The following ADARB2 variants were observed in gnomAD, a reference collection of about 807,000 sequenced individuals.
ADARB2 encodes inactive double-stranded RNA-specific editase B2.
ADARB2 carries 25 observed loss-of-function variants against 62.2 expected under a neutral mutation model. The observed-to-expected ratio is 0.40, with a 90% CI of 0.29 to 0.56. The LOEUF is 0.56. Ranked by LOEUF, ADARB2 falls within the 20% of genes least tolerant of loss-of-function variation. The pLI is 0.43. For missense variants in ADARB2, 1,071 were observed against 1,077.4 expected (o/e 0.99, Z 0.08); for synonymous variants, 572 against 500.8 (o/e 1.14, Z -1.90).
chr10:1,373,403 T>A (rs1832391199), intron 2 of ADARB2, among the ~76,000 whole-genome samples: 1 of 152,144 alleles, frequency 6.6e-6, no homozygotes, highest in East Asian at 1.9e-4. Context: ...GGAAACTGAT[T>A]CTTACCAACC....
chr10:1,734,111 A>C (rs1044910720), intron 1 of ADARB2, among the ~76,000 whole-genome samples: 1 of 152,094 alleles, frequency 6.6e-6, no homozygotes, highest in African/African-American at 2.4e-5. Flanking sequence ...TTTCTAAAAG[A>C]AAGTCCCTGC....
At position 1,356,122 on chromosome 10, in the gene ADARB2, C is replaced by T. The variant is rs1832192769; in HGVS notation, c.1077+6906G>A. Among the ~76,000 whole-genome samples, 3 of 152,264 alleles carry T rather than the reference C, an allele frequency of 2.0e-5. No homozygotes were observed. In the South Asian group the frequency reaches 6.2e-4, roughly 32 times the overall value. On this transcript the variant is annotated intron_variant, in intron 3 of 9. Coordinates refer to ENST00000381312, the MANE Select transcript of ADARB2 (RefSeq NM_018702.4). The stretch of plus-strand genomic sequence containing the variant: ...TCGCTCTTTTTCTGGCCGTCAGCAC[C>T]TCTTTCACAGACCCAGGACACGAAG...
chr10:1,338,160 C>T (rs576280773), intron 3 of ADARB2, among the ~76,000 whole-genome samples: 6 of 152,302 alleles, frequency 3.9e-5, no homozygotes, highest in Admixed American at 1.3e-4. Context: ...ACAGACAGTT[C>T]GTTAAAAATA....
chr10:1,685,434 C>A (rs893074362), intron 1 of ADARB2, among the ~76,000 whole-genome samples: 1 of 152,168 alleles, frequency 6.6e-6, no homozygotes, highest in African/African-American at 2.4e-5. Flanking sequence ...GTGCCTTGTA[C>A]CTGACACATG....
chr10:1,422,045 C>G (rs1250570784), intron 1 of ADARB2, among the ~76,000 whole-genome samples: 1 of 152,168 alleles, frequency 6.6e-6, no homozygotes, highest in East Asian at 1.9e-4. Flanking sequence ...GTTAGGGAAG[C>G]CCCCACCAAA....
chr10:1,243,650 T>G (rs1830949039), intron 4 of ADARB2, among the ~76,000 whole-genome samples: 1 of 152,164 alleles, frequency 6.6e-6, no homozygotes, highest in African/African-American at 2.4e-5. Flanking sequence ...CAGGGAGAAT[T>G]CGGGGCCGGG....
At chr10:1,514,178 A>AAAATATATATATATATATAT (rs147869230) in intron 1 of ADARB2, among the ~76,000 whole-genome samples, 2 of 94,156 alleles carry the variant, frequency 2.1e-5, no homozygotes, top group East Asian at 8.3e-4. Context: ...GCTGTCTCAA[A>AAAATATATATATATATATAT]ATATATATAT....
chr10:1,545,936 C>T (rs181474027), intron 1 of ADARB2, among the ~76,000 whole-genome samples: 6 of 152,262 alleles, frequency 3.9e-5, no homozygotes, highest in Admixed American at 1.3e-4. Flanking sequence ...GAAATGGACC[C>T]TTCTGGTCTT....
At chr10:1,465,068 C>T (rs1285565130) in intron 1 of ADARB2, among the ~76,000 whole-genome samples, 2 of 152,196 alleles carry the variant, frequency 1.3e-5, no homozygotes, top group African/African-American at 4.8e-5. Context: ...CCAGCCATGC[C>T]CAGGAAGGAG....
At position 1,233,825 on chromosome 10, in the gene ADARB2, T is replaced by C; in HGVS notation, c.1382A>G (p.Glu461Gly). 1 of 1,613,938 alleles carries C rather than the reference T, an allele frequency of 6.2e-7. No homozygotes were observed. The highest frequency in any genetic ancestry group is 8.5e-7 in the Non-Finnish European group (1 of 1,179,936). Reference sequence around the variant, plus strand: ...TTTTAACCGCACGAATATCGATCGCTCTGAGTCCTCGCGCCGCTTGCTAGG... The same window carrying C: ...TTTTAACCGCACGAATATCGATCGCCCTGAGTCCTCGCGCCGCTTGCTAGG... ...LHLSKRREDS[E>G]RSIFVRLKEG... The change falls in exon 6 of 10, where the codon GAG becomes GGG. Residue 461 changes from glutamate to glycine, a missense_variant. By Grantham distance (98) the Glu-to-Gly change is moderately conservative. Coordinates refer to ENST00000381312, the MANE Select transcript of ADARB2 (RefSeq NM_018702.4).
chr10:1,727,060 A>AT (rs1199412311), intron 1 of ADARB2, among the ~76,000 whole-genome samples: 1 of 152,244 alleles, frequency 6.6e-6, no homozygotes, highest in Non-Finnish European at 1.5e-5. Context: ...TGTTTGCTGA[A>AT]TGGACAGACT....
rs998375010 is a variant in ADARB2 at position 1,179,147 on chromosome 10, T to G, written c.*4046A>C. On this transcript the variant is annotated 3_prime_UTR_variant, in exon 10 of 10. Coordinates refer to ENST00000381312, the MANE Select transcript of ADARB2 (RefSeq NM_018702.4). ...TAGGATTTCATCAAAATAACTATTC[T>G]GGGCATTGATATCCTCTGTATTTAC... 1.3e-5 allele frequency: 2 copies of G among 152,182 alleles called. No individual in the cohort carries two copies. Among genetic ancestry groups the G allele is most frequent in the Non-Finnish European group, 2.9e-5 (2 of 68,036 alleles). The allele number at this position is 152,182 out of a possible 1,614,324, so 9.4% of individuals were successfully genotyped here. A position where few individuals can be genotyped will look rare whatever the true frequency, so the allele number is the denominator to read the frequency against.
At chr10:1,678,491 G>A (rs1233043554) in intron 1 of ADARB2, among the ~76,000 whole-genome samples, 1 of 152,006 alleles carries the variant, frequency 6.6e-6, no homozygotes, top group East Asian at 1.9e-4. Context: ...GGCATGCAGG[G>A]GGGCTGCCTG....
At chr10:1,420,154 C>T (rs1223251683) in intron 1 of ADARB2, among the ~76,000 whole-genome samples, 3 of 152,192 alleles carry the variant, frequency 2.0e-5, no homozygotes, top group Admixed American at 6.5e-5. Flanking sequence ...TATTTAAAGG[C>T]CTCATAACTT....
intron 7 of ADARB2, among the ~76,000 whole-genome samples, chr10:1,208,630 C>G (rs2131747273): frequency 6.6e-6 from 1 of 152,248 alleles, no homozygotes; most frequent in East Asian, 1.9e-4. Context: ...GCCTGGACCC[C>G]CAGTGGGCCT....
At chr10:1,530,038 C>T (rs1337103012) in intron 1 of ADARB2, among the ~76,000 whole-genome samples, 2 of 152,066 alleles carry the variant, frequency 1.3e-5, no homozygotes, top group Admixed American at 6.5e-5. Context: ...TCCACTACCT[C>T]ATGCCACCAT....
intron 6 of ADARB2, among the ~76,000 whole-genome samples, chr10:1,226,683 C>G (rs1830749900): frequency 6.6e-6 from 1 of 152,154 alleles, no homozygotes; most frequent in South Asian, 2.1e-4. Context: ...CACTCCAGAC[C>G]CTGTTTGCCT....
chr10:1,255,002 G>A lies in ADARB2; in HGVS notation c.1193-12703C>T, dbSNP rs369132238. The stretch of plus-strand genomic sequence containing the variant: ...TCTCAGCCTCAGCACTTAGTTGTCA[G>A]GATAAGCACAGTAATCACATACTCA... On this transcript the variant is annotated intron_variant, in intron 4 of 9. Transcript: ENST00000381312. The surrounding 1 kb of genome is among the most constrained non-coding windows in gnomAD (Gnocchi z 4.7). Among the ~76,000 whole-genome samples the A allele has an allele frequency of 6.6e-6, 1 of 152,214 alleles. No individual in the cohort carries two copies. Among genetic ancestry groups the A allele is most frequent in the Admixed American group, 6.5e-5 (1 of 15,280 alleles).
intron 3 of ADARB2, among the ~76,000 whole-genome samples, chr10:1,339,062 T>G (rs1009197014): frequency 1.3e-5 from 2 of 152,226 alleles, no homozygotes; most frequent in Non-Finnish European, 2.9e-5. Flanking sequence ...CTTTCCAAGT[T>G]TCAGACAGTG....
Sources: gnomAD v4.1 joint callset for allele counts (sites outside exome capture counted in the v4.1 genomes callset) on GRCh38, gnomAD v4.1.1 for gene constraint, Gnocchi (gnomAD v3.1) non-coding constraint, MANE v1.5 for transcripts, NCBI Gene and HGNC (gene_info 2026-07-23, HGNC 2026-07-21) for gene names.